Variants in GLI3 observed in about 807,000 individuals in gnomAD.
GLI3 encodes the protein GLI family zinc finger 3.
A neutral mutation model predicts 100.8 loss-of-function variants in GLI3; 20 were observed. The ratio of observed to expected loss-of-function variants is 0.20; its 90% CI spans 0.14 to 0.29. GLI3 has a LOEUF of 0.29. GLI3 is among the 10% of genes least tolerant of loss of function. The probability of loss-of-function intolerance (pLI) is 1.00; values close to 1 mark genes in which losing one functional copy is unlikely to be tolerated. For missense variants in GLI3, 2,040 were observed against 2,128.5 expected (o/e 0.96, Z 0.82); for synonymous variants, 938 against 860.5 (o/e 1.09, Z -1.58).
At chr7:42,038,070 A>T (rs1398018288) in intron 7 of GLI3, among the ~76,000 whole-genome samples, 1 of 152,232 alleles carries the variant, frequency 6.6e-6, no homozygotes, top group East Asian at 1.9e-4. Flanking sequence ...TATCTTTCTG[A>T]CTATCACTGT....
intron 3 of GLI3, among the ~76,000 whole-genome samples, chr7:42,093,234 C>T (rs1785265389): frequency 6.6e-6 from 1 of 151,918 alleles, no homozygotes; most frequent in African/African-American, 2.4e-5. Flanking sequence ...ACAAAATTAG[C>T]CGGGTGTGGT....
At chr7:42,139,448 G>A (rs946965939) in intron 3 of GLI3, among the ~76,000 whole-genome samples, 10 of 152,188 alleles carry the variant, frequency 6.6e-5, no homozygotes, top group Non-Finnish European at 8.8e-5. Flanking sequence ...GGGAGGCCGA[G>A]ACGGGCAGAT....
intron 1 of GLI3, among the ~76,000 whole-genome samples, chr7:42,229,746 AAAAT>A (rs1437579293): frequency 1.3e-5 from 2 of 152,194 alleles, no homozygotes; most frequent in African/African-American, 4.8e-5. Context: ...CCATTTCTCA[AAAAT>A]AAATAAATCC....
chr7:42,231,150 G>GT (rs1445897601), intron 1 of GLI3, among the ~76,000 whole-genome samples: 3 of 152,196 alleles, frequency 2.0e-5, no homozygotes, highest in Admixed American at 6.5e-5. Context: ...AGGGAGTAGA[G>GT]TGTATGTTCC....
chr7:42,182,870 C>T (rs1035647115), intron 2 of GLI3, among the ~76,000 whole-genome samples: 2 of 151,432 alleles, frequency 1.3e-5, no homozygotes, highest in African/African-American at 4.9e-5. Flanking sequence ...TCGTTTGAGG[C>T]CAGGAGTTCA....
chr7:42,104,751 A>T (rs1443910308), intron 3 of GLI3, among the ~76,000 whole-genome samples: 1 of 152,196 alleles, frequency 6.6e-6, no homozygotes, highest in East Asian at 1.9e-4. Flanking sequence ...GGAGGTGTTC[A>T]TAAGGGTGGA....
chr7:42,086,385 G>A (rs1360576518), intron 3 of GLI3, among the ~76,000 whole-genome samples: 1 of 152,048 alleles, frequency 6.6e-6, no homozygotes, highest in Non-Finnish European at 1.5e-5. Flanking sequence ...CAGAGTTAAG[G>A]CTTTTTATCA....
chr7:42,044,552 G>T (rs1422459846), intron 6 of GLI3, among the ~76,000 whole-genome samples: 1 of 152,126 alleles, frequency 6.6e-6, no homozygotes, highest in African/African-American at 2.4e-5. Context: ...TCCACTGCTA[G>T]GTACTAAAAG....
intron 4 of GLI3, among the ~76,000 whole-genome samples, chr7:42,070,908 C>CA (rs1784772187): frequency 6.6e-6 from 1 of 152,078 alleles, no homozygotes; most frequent in Non-Finnish European, 1.5e-5. Context: ...ATTAGTTTGA[C>CA]AGTGGAGAGC....
At chr7:42,229,763 TAGAA>T (rs1788657925) in intron 1 of GLI3, among the ~76,000 whole-genome samples, 2 of 152,120 alleles carry the variant, frequency 1.3e-5, no homozygotes, top group South Asian at 2.1e-4. Flanking sequence ...ATAAATCCTT[TAGAA>T]AGAGAATTTT....
chr7:42,014,086 G>C (rs973217956), intron 10 of GLI3, among the ~76,000 whole-genome samples: 2 of 152,096 alleles, frequency 1.3e-5, no homozygotes, highest in African/African-American at 4.8e-5. Context: ...CTCACTTCTG[G>C]CCCTACCCCA....
At chr7:41,978,524 G>A in intron 11 of GLI3, 75 bp downstream of exon 11, 1 of 1,383,700 alleles carries the variant, frequency 7.2e-7, no homozygotes, top group Admixed American at 1.7e-5. Context: ...CCCTGAGCTG[G>A]TGTCATCAGT....
chr7:42,228,800 T>C (rs996409802), intron 1 of GLI3, among the ~76,000 whole-genome samples: 1 of 152,180 alleles, frequency 6.6e-6, no homozygotes, highest in African/African-American at 2.4e-5. Flanking sequence ...CTGCCATACA[T>C]AGATTCAAGT....
chr7:41,993,299 C>T (rs1318064274), intron 10 of GLI3, among the ~76,000 whole-genome samples: 1 of 152,176 alleles, frequency 6.6e-6, no homozygotes, highest in Non-Finnish European at 1.5e-5. Flanking sequence ...CAGCTGGAGA[C>T]GTGTGGTCAC....
intron 3 of GLI3, among the ~76,000 whole-genome samples, chr7:42,111,919 A>G (rs1342085796): frequency 2.0e-5 from 3 of 152,140 alleles, no homozygotes; most frequent in Non-Finnish European, 4.4e-5. Flanking sequence ...AAGATCCAGA[A>G]AGTGGCCACC....
intron 10 of GLI3, among the ~76,000 whole-genome samples, chr7:42,014,459 A>G (rs1788700595): frequency 6.6e-6 from 1 of 152,194 alleles, no homozygotes; most frequent in Non-Finnish European, 1.5e-5. Flanking sequence ...CTTTTATTAT[A>G]TTAGCTATAA....
chr7:41,993,817 T>C (rs1788051443), intron 10 of GLI3, among the ~76,000 whole-genome samples: 3 of 152,090 alleles, frequency 2.0e-5, no homozygotes, highest in African/African-American at 7.2e-5. Context: ...ACGGAAGCAA[T>C]TTCCTGTGAT....
intron 2 of GLI3, among the ~76,000 whole-genome samples, chr7:42,177,082 G>C (rs757309245): frequency 6.6e-6 from 1 of 152,126 alleles, no homozygotes; most frequent in Non-Finnish European, 1.5e-5. Context: ...GCTGATCTAG[G>C]TGCTGACGCT....
chr7:41,968,269 C>T (rs922938988), intron 13 of GLI3, among the ~76,000 whole-genome samples: 2 of 152,180 alleles, frequency 1.3e-5, no homozygotes, highest in Non-Finnish European at 2.9e-5. Flanking sequence ...ATTACTTAGC[C>T]ACTCTAAACC....
Sources: allele counts gnomAD v4.1 joint callset (sites outside exome capture counted in the v4.1 genomes callset), GRCh38; gene constraint gnomAD v4.1.1; transcripts MANE v1.5; gene names NCBI Gene and HGNC (gene_info 2026-07-23, HGNC 2026-07-21).